The following KCNAB1 variants were observed in gnomAD, a reference collection of about 807,000 sequenced individuals.
KCNAB1 encodes the protein voltage-gated potassium channel subunit beta-1.
Under a neutral mutation model 64.6 loss-of-function variants are expected in KCNAB1, and 35 were observed. The ratio of observed to expected loss-of-function variants is 0.54; its 90% confidence interval spans 0.41 to 0.72. The LOEUF (loss-of-function observed/expected upper bound fraction) is 0.72, where lower values mean the gene tolerates loss of function less well. Ranked by LOEUF, KCNAB1 falls within the 30% of genes least tolerant of loss-of-function variation. KCNAB1 has a pLI of 0.00. For missense variants in KCNAB1, 401 were observed against 512.9 expected (o/e 0.78, Z 2.11); for synonymous variants, 177 against 183.8 (o/e 0.96, Z 0.30).
At chr3:156,281,296 T>C (rs1162353633) in intron 1 of KCNAB1, among the ~76,000 whole-genome samples, 1 of 152,188 alleles carries the variant, frequency 6.6e-6, no homozygotes, top group East Asian at 1.9e-4. Context: ...GAACCAGCCT[T>C]GCATCCCAGG....
At chr3:156,332,348 A>C (rs1291356873) in intron 1 of KCNAB1, among the ~76,000 whole-genome samples, 33 of 152,280 alleles carry the variant, frequency 2.2e-4, no homozygotes, top group Non-Finnish European at 2.9e-4. Context: ...TGTTTTTATC[A>C]AGTTTAGTCA....
At chr3:156,297,937 A>C (rs1425192666) in intron 1 of KCNAB1, among the ~76,000 whole-genome samples, 1 of 152,142 alleles carries the variant, frequency 6.6e-6, no homozygotes, top group Non-Finnish European at 1.5e-5. Context: ...CAGTTTGGTT[A>C]TTTGAAATGC....
chr3:156,463,580 A>T, intron 5 of KCNAB1, 122 bp from the exon 6 acceptor site: 1 of 789,916 alleles, frequency 1.3e-6, no homozygotes, highest in South Asian at 1.7e-5. Context: ...TTACCTCTTT[A>T]CCAATTTTTA....
intron 13 of KCNAB1, among the ~76,000 whole-genome samples, chr3:156,535,274 AAAGG>A (rs1383248177): frequency 6.6e-6 from 1 of 152,222 alleles, no homozygotes; most frequent in Non-Finnish European, 1.5e-5. Context: ...GGATTGCAAC[AAAGG>A]AAGAATGAGG....
intron 8 of KCNAB1, among the ~76,000 whole-genome samples, chr3:156,513,975 G>A (rs1259509322): frequency 6.6e-6 from 1 of 152,128 alleles, no homozygotes; most frequent in African/African-American, 2.4e-5. Flanking sequence ...ATTCTACAAA[G>A]TTGAAACAAA....
chr3:156,120,969 C>A, intron 1 of KCNAB1, 83 bp downstream of exon 1: 1 of 1,508,036 alleles, frequency 6.6e-7, no homozygotes, highest in Non-Finnish European at 9.0e-7. Context: ...TTTTCCTCTG[C>A]AGCTGGAAGT....
At chr3:156,274,789 C>G (rs1451919934) in intron 1 of KCNAB1, among the ~76,000 whole-genome samples, 3 of 152,148 alleles carry the variant, frequency 2.0e-5, no homozygotes, top group African/African-American at 7.2e-5. Flanking sequence ...CATATGCATA[C>G]ATTGTGAAAT....
intron 1 of KCNAB1, among the ~76,000 whole-genome samples, chr3:156,239,410 A>G (rs1717039135): frequency 6.6e-6 from 1 of 152,246 alleles, no homozygotes; most frequent in Non-Finnish European, 1.5e-5. Context: ...CTTAGCAGAT[A>G]GGCAGTGAGT....
At chr3:156,258,683 G>T (rs1383029619) in intron 1 of KCNAB1, among the ~76,000 whole-genome samples, 1 of 152,188 alleles carries the variant, frequency 6.6e-6, no homozygotes, top group Non-Finnish European at 1.5e-5. Flanking sequence ...GCAATCATTT[G>T]CTGGAAAGAA....
At chr3:156,266,782 C>T (rs1013787460) in intron 1 of KCNAB1, among the ~76,000 whole-genome samples, 1 of 152,170 alleles carries the variant, frequency 6.6e-6, no homozygotes, top group Non-Finnish European at 1.5e-5. Context: ...CCACATCAGT[C>T]AGCAAAGCTC....
intron 1 of KCNAB1, among the ~76,000 whole-genome samples, chr3:156,158,028 G>T (rs867869407): frequency 2.6e-5 from 4 of 151,704 alleles, no homozygotes; most frequent in African/African-American, 7.3e-5. Context: ...AGCCGGGTGC[G>T]GTGGCTGGTG....
chr3:156,431,625 C>T (rs1716216456), intron 2 of KCNAB1, among the ~76,000 whole-genome samples: 1 of 152,226 alleles, frequency 6.6e-6, no homozygotes, highest in South Asian at 2.1e-4. Context: ...GAAATAAAGT[C>T]TCAGTTCTTT....
chr3:156,254,600 C>T (rs1718000960), intron 1 of KCNAB1, among the ~76,000 whole-genome samples: 1 of 152,206 alleles, frequency 6.6e-6, no homozygotes, highest in Non-Finnish European at 1.5e-5. Context: ...TCATTGTGAA[C>T]TCTGCAGAAG....
At chr3:156,528,586 G>C (rs1236125800) in intron 12 of KCNAB1, among the ~76,000 whole-genome samples, 1 of 152,182 alleles carries the variant, frequency 6.6e-6, no homozygotes, top group Non-Finnish European at 1.5e-5. Context: ...TACTTTAGGA[G>C]CAGGCAATAC....
At chr3:156,125,313 A>C (rs906447898) in intron 1 of KCNAB1, among the ~76,000 whole-genome samples, 20 of 152,204 alleles carry the variant, frequency 1.3e-4, no homozygotes, top group African/African-American at 4.8e-4. Flanking sequence ...AAAATCCCCA[A>C]CAAAAGTATA....
intron 2 of KCNAB1, among the ~76,000 whole-genome samples, chr3:156,428,195 C>G (rs1358159912): frequency 6.6e-6 from 1 of 152,166 alleles, no homozygotes. Flanking sequence ...GCCGATTGCC[C>G]TCCCTAATGT....
intron 7 of KCNAB1, among the ~76,000 whole-genome samples, chr3:156,466,769 T>C (rs996080838): frequency 1.3e-5 from 2 of 152,054 alleles, no homozygotes; most frequent in African/African-American, 4.8e-5. Flanking sequence ...AATAAAACAG[T>C]CAACAAGAAC....
chr3:156,287,233 G>A (rs1445411044), intron 1 of KCNAB1, among the ~76,000 whole-genome samples: 3 of 151,526 alleles, frequency 2.0e-5, no homozygotes, highest in African/African-American at 7.3e-5. Flanking sequence ...CAATATGGGA[G>A]ACATTAATGC....
At chr3:156,160,414 G>T (rs532681122) in intron 1 of KCNAB1, among the ~76,000 whole-genome samples, 4 of 152,276 alleles carry the variant, frequency 2.6e-5, no homozygotes, top group Middle Eastern at 6.8e-3. Flanking sequence ...CTCAGGAGCA[G>T]GTAGCAACTC....
Sources: allele counts gnomAD v4.1 joint callset (sites outside exome capture counted in the v4.1 genomes callset), GRCh38; gene constraint gnomAD v4.1.1; transcripts MANE v1.5; gene names NCBI Gene and HGNC (gene_info 2026-07-23, HGNC 2026-07-21).